SLC24A3: variants seen among roughly 807,000 people sequenced by gnomAD.
SLC24A3 encodes sodium/potassium/calcium exchanger 3.
SLC24A3 carries 28 observed loss-of-function variants against 75.8 expected under a neutral mutation model. That is an observed-to-expected ratio of 0.37 (90% CI 0.27 to 0.51). SLC24A3 has a LOEUF of 0.51. Among genes scored for constraint, SLC24A3 ranks in the 20% least tolerant of loss-of-function variants. The pLI is 0.94. For synonymous variants in SLC24A3, 372 were observed against 334.1 expected (o/e 1.11, Z -1.24); for missense variants, 663 against 847.8 (o/e 0.78, Z 2.71).
chr20:19,541,270 G>A (rs561532202), intron 3 of SLC24A3, among the ~76,000 whole-genome samples: 6 of 152,292 alleles, frequency 3.9e-5, no homozygotes, highest in African/African-American at 7.2e-5. Flanking sequence ...CGGCTGCAGC[G>A]GGGAGACGTC....
At chr20:19,653,458 G>A (rs943026026) in intron 6 of SLC24A3, among the ~76,000 whole-genome samples, 7 of 152,170 alleles carry the variant, frequency 4.6e-5, no homozygotes, top group African/African-American at 1.7e-4. Flanking sequence ...ATAGAGATGA[G>A]GGAAGAAGGT....
intron 2 of SLC24A3, among the ~76,000 whole-genome samples, chr20:19,412,891 A>G (rs551530788): frequency 1.3e-5 from 2 of 152,262 alleles, no homozygotes; most frequent in South Asian, 2.1e-4. Context: ...CTTCTCTTTG[A>G]TGTATCTCTG....
chr20:19,716,948 A>C (rs1289899746), intron 15 of SLC24A3, among the ~76,000 whole-genome samples: 1 of 152,202 alleles, frequency 6.6e-6, no homozygotes, highest in Non-Finnish European at 1.5e-5. Flanking sequence ...TGCAAAAAAC[A>C]AACCTCCAAA....
At chr20:19,454,656 A>T (rs962043542) in intron 2 of SLC24A3, among the ~76,000 whole-genome samples, 4 of 152,222 alleles carry the variant, frequency 2.6e-5, no homozygotes, top group Non-Finnish European at 4.4e-5. Context: ...TAAAAGGTGT[A>T]ATTATCACAT....
chr20:19,299,731 G>T (rs75627077), intron 2 of SLC24A3, among the ~76,000 whole-genome samples: 1 of 152,206 alleles, frequency 6.6e-6, no homozygotes, highest in East Asian at 1.9e-4. Flanking sequence ...CAGAAGCACA[G>T]TCTGTTCTGG....
chr20:19,252,643 C>CGGGGGGGGGG (rs35974779), intron 1 of SLC24A3, among the ~76,000 whole-genome samples: 1 of 133,362 alleles, frequency 7.5e-6, no homozygotes, highest in Non-Finnish European at 1.7e-5. Flanking sequence ...ATTGGAATGG[C>CGGGGGGGGGG]GGGGGGGGGT....
chr20:19,224,167 C>G (rs1204540887), intron 1 of SLC24A3, among the ~76,000 whole-genome samples: 2 of 151,542 alleles, frequency 1.3e-5, no homozygotes, highest in East Asian at 3.9e-4. Context: ...GAGTTACACA[C>G]AGTTTTATCA....
rs141740610 is a variant in SLC24A3 at position 19,579,150 on chromosome 20, G to T, written c.349-850G>T. Among the ~76,000 whole-genome samples, 1,000 of 152,292 alleles carry T rather than the reference G, an allele frequency of 6.6e-3. 3 individuals are homozygous for T. The highest frequency in any genetic ancestry group is 0.024 in the Middle Eastern group (7 of 294). ...AAAGGATAGGGTCACCTTCCACATG[G>T]GGCATGGTGGATATTTGGACAAAAC... On this transcript the variant is annotated intron_variant, in intron 3 of 16. Coordinates refer to ENST00000328041, the MANE Select transcript of SLC24A3 (RefSeq NM_020689.4).
intron 15 of SLC24A3, among the ~76,000 whole-genome samples, chr20:19,714,427 CA>C (rs1361433978): frequency 1.0e-4 from 3 of 29,512 alleles, no homozygotes; most frequent in Admixed American, 4.9e-4. Flanking sequence ...AAAAAAAAAA[CA>C]ACAAAAAGAG....
chr20:19,335,566 G>A (rs1985112545), intron 2 of SLC24A3, among the ~76,000 whole-genome samples: 1 of 152,170 alleles, frequency 6.6e-6, no homozygotes, highest in African/African-American at 2.4e-5. Context: ...ATTGTTGCAA[G>A]GGGGTTACTG....
chr20:19,462,617 G>A (rs57622070), intron 2 of SLC24A3, among the ~76,000 whole-genome samples: 2,514 of 152,306 alleles, frequency 0.017, 68 homozygotes, highest in East Asian at 0.11. Flanking sequence ...CTCTGGTCAC[G>A]TGCTTGTGCG....
intron 2 of SLC24A3, among the ~76,000 whole-genome samples, chr20:19,471,686 G>A (rs1043510317): frequency 5.9e-5 from 9 of 152,150 alleles, no homozygotes; most frequent in African/African-American, 2.2e-4. Flanking sequence ...ACTCTGTCGG[G>A]GAAGAGTGGG....
chr20:19,397,649 T>C (rs1986479290), intron 2 of SLC24A3, among the ~76,000 whole-genome samples: 2 of 30,724 alleles, frequency 6.5e-5, no homozygotes, highest in Non-Finnish European at 5.1e-5. Context: ...TTTCTTTTCT[T>C]TTTTTTTTTT....
chr20:19,516,023 T>C (rs1355788061), intron 3 of SLC24A3, among the ~76,000 whole-genome samples: 1 of 152,200 alleles, frequency 6.6e-6, no homozygotes, highest in Non-Finnish European at 1.5e-5. Flanking sequence ...AGGGACTTGG[T>C]TTTGTACACG....
chr20:19,390,932 G>A (rs982872332), intron 2 of SLC24A3, among the ~76,000 whole-genome samples: 2 of 152,206 alleles, frequency 1.3e-5, no homozygotes, highest in African/African-American at 4.8e-5. Context: ...GCCTGGAAGT[G>A]TAGCAGGTCT....
intron 16 of SLC24A3, among the ~76,000 whole-genome samples, chr20:19,719,747 G>A (rs983531560): frequency 2.6e-5 from 4 of 152,240 alleles, no homozygotes; most frequent in Non-Finnish European, 4.4e-5. Context: ...CTGCGTGGAT[G>A]CAGCATGAAC....
At chr20:19,592,413 T>C (rs1434624768) in intron 6 of SLC24A3, among the ~76,000 whole-genome samples, 1 of 152,214 alleles carries the variant, frequency 6.6e-6, no homozygotes, top group Admixed American at 6.5e-5. Flanking sequence ...CAATAGTGGG[T>C]AGAGCCATTA....
intron 6 of SLC24A3, among the ~76,000 whole-genome samples, chr20:19,626,766 A>G (rs879655222): frequency 7.3e-5 from 11 of 151,382 alleles, no homozygotes; most frequent in Non-Finnish European, 1.3e-4. Flanking sequence ...ATGTGGAGGA[A>G]AAACATTTGT....
chr20:19,219,903 C>T (rs758722197), intron 1 of SLC24A3, among the ~76,000 whole-genome samples: 17 of 152,216 alleles, frequency 1.1e-4, no homozygotes, highest in Non-Finnish European at 2.1e-4. Context: ...ACTCCAGACA[C>T]TGCGGGGGAC....
Sources: gnomAD v4.1 joint callset for allele counts (sites outside exome capture counted in the v4.1 genomes callset) on GRCh38, gnomAD v4.1.1 for gene constraint, MANE v1.5 for transcripts, NCBI Gene and HGNC (gene_info 2026-07-23, HGNC 2026-07-21) for gene names.